MYO1E: variants seen among roughly 807,000 people sequenced by gnomAD.
MYO1E encodes the protein unconventional myosin-Ie.
MYO1E carries 68 observed loss-of-function variants against 151.1 expected under a neutral mutation model. That is an observed-to-expected ratio of 0.45 (90% CI 0.37 to 0.55). The LOEUF is 0.55. MYO1E is among the 20% of genes least tolerant of loss of function. The probability of loss-of-function intolerance (pLI) is 0.00; values close to 1 mark genes in which losing one functional copy is unlikely to be tolerated. For synonymous variants in MYO1E, 601 were observed against 501.7 expected, an observed-to-expected ratio of 1.20 and a Z score of -2.64; for missense variants, 1,363 against 1,389.3, an observed-to-expected ratio of 0.98 and a Z score of 0.30.
At chr15:59,309,410 T>C (rs1333059526) in intron 1 of MYO1E, among the ~76,000 whole-genome samples, 3 of 152,164 alleles carry the variant, frequency 2.0e-5, no homozygotes, top group Admixed American at 1.3e-4. Flanking sequence ...TGTCAAAGGA[T>C]TTTCCATTGT....
chr15:59,291,067 A>C (rs1441176953), intron 1 of MYO1E, among the ~76,000 whole-genome samples: 1 of 152,230 alleles, frequency 6.6e-6, no homozygotes, highest in Non-Finnish European at 1.5e-5. Flanking sequence ...CACCACCTCA[A>C]ACAGAGCGTT....
intron 16 of MYO1E, among the ~76,000 whole-genome samples, chr15:59,197,668 T>C (rs796921953): frequency 4.6e-5 from 7 of 152,374 alleles, no homozygotes; most frequent in African/African-American, 1.7e-4. Flanking sequence ...ACCAAGCCTG[T>C]TCTTTGGCAA....
intron 4 of MYO1E, among the ~76,000 whole-genome samples, chr15:59,243,826 T>G (rs1029479256): frequency 6.6e-6 from 1 of 151,870 alleles, no homozygotes; most frequent in Non-Finnish European, 1.5e-5. Context: ...AAAGTAATTC[T>G]GCGAGAATGA....
chr15:59,172,847 G>A (rs1014525256), intron 21 of MYO1E, among the ~76,000 whole-genome samples: 7 of 152,228 alleles, frequency 4.6e-5, no homozygotes, highest in Admixed American at 2.0e-4. Flanking sequence ...GTACCGCTGC[G>A]AGAGCTAAGC....
chr15:59,144,734 CAGTT>C (rs2079430594), intron 26 of MYO1E, among the ~76,000 whole-genome samples: 1 of 152,234 alleles, frequency 6.6e-6, no homozygotes, highest in Non-Finnish European at 1.5e-5. Flanking sequence ...CCTTGGAACA[CAGTT>C]GGTGGGAACA....
chr15:59,263,021 G>A (rs2080233059), intron 2 of MYO1E, among the ~76,000 whole-genome samples: 1 of 142,966 alleles, frequency 7.0e-6, no homozygotes, highest in African/African-American at 2.6e-5. Flanking sequence ...TTGACTTCAT[G>A]GAGAAAAAAA....
In MYO1E at chr15:59,154,144, C is replaced by CCA. The variant is rs138291652; in HGVS notation, c.2879-355_2879-354dup. 5.0e-3 allele frequency among the ~76,000 whole-genome samples: 769 copies of CCA among 152,280 alleles called. 4 individuals are homozygous for CCA. The highest frequency in any genetic ancestry group is 0.018 in the African/African-American group (732 of 41,560). ...CCCCAGATTTCCTGGGGTTCAAAGC[C>CCA]CACAGTAAGGTAAGCTTACAGCCGG... On this transcript the variant is annotated intron_variant, in intron 25 of 27. Transcript: ENST00000288235.
intron 22 of MYO1E, among the ~76,000 whole-genome samples, chr15:59,170,192 C>G (rs907533364): frequency 6.0e-5 from 9 of 149,768 alleles, no homozygotes; most frequent in African/African-American, 2.2e-4. Context: ...AACAAAACAA[C>G]CACACAAATG....
intron 6 of MYO1E, among the ~76,000 whole-genome samples, chr15:59,230,204 G>A (rs1188597310): frequency 2.2e-5 from 3 of 134,324 alleles, no homozygotes; most frequent in African/African-American, 8.3e-5. Context: ...AATAGTGAGA[G>A]AGAGAGAGAC....
intron 1 of MYO1E, among the ~76,000 whole-genome samples, chr15:59,313,379 A>G (rs2080564870): frequency 6.6e-6 from 1 of 152,206 alleles, no homozygotes; most frequent in African/African-American, 2.4e-5. Context: ...AGGAAGCAAC[A>G]CAGGTCTGAT....
chr15:59,225,778 C>T (rs1224657606), intron 7 of MYO1E, among the ~76,000 whole-genome samples: 3 of 151,930 alleles, frequency 2.0e-5, no homozygotes, highest in African/African-American at 4.8e-5. Flanking sequence ...TCCTGAGTAG[C>T]TGGGACTACA....
At position 59,137,356 on chromosome 15, in the gene MYO1E, C is replaced by T. The variant is rs1159391880; in HGVS notation, c.*24G>A. 1 of 1,605,112 alleles carries T rather than the reference C, an allele frequency of 6.2e-7. No homozygotes were observed. Among genetic ancestry groups the T allele is most frequent in the Non-Finnish European group, 8.5e-7 (1 of 1,171,898 alleles). Reference sequence around the variant, plus strand: ...GGTCTGTGCCTGGAGCTCCTCTGCCCCATGTGTCAGAGTCACGGGCACCTC... The same window carrying T: ...GGTCTGTGCCTGGAGCTCCTCTGCCTCATGTGTCAGAGTCACGGGCACCTC... On this transcript the variant is annotated 3_prime_UTR_variant, in exon 28 of 28. Coordinates refer to ENST00000288235, the MANE Select transcript of MYO1E (RefSeq NM_004998.4).
chr15:59,236,814 A>C, intron 4 of MYO1E, 142 bp from the exon 5 acceptor site: 1 of 749,708 alleles, frequency 1.3e-6, no homozygotes, highest in Non-Finnish European at 2.3e-6. Context: ...TTTAAGTACA[A>C]TACCAGTAGA....
chr15:59,343,085 C>G (rs2080774756), intron 1 of MYO1E, among the ~76,000 whole-genome samples: 1 of 152,190 alleles, frequency 6.6e-6, no homozygotes, highest in Non-Finnish European at 1.5e-5. Flanking sequence ...TTTCTGTGTA[C>G]TTACTATTAC....
At chr15:59,138,125 C>A in intron 27 of MYO1E, 73 bp downstream of exon 27, 1 of 1,565,766 alleles carries the variant, frequency 6.4e-7, no homozygotes. Flanking sequence ...TTTTCATTTT[C>A]ACACTAGATC....
chr15:59,262,107 T>C (rs559586655), intron 2 of MYO1E, among the ~76,000 whole-genome samples: 2 of 151,944 alleles, frequency 1.3e-5, no homozygotes, highest in Non-Finnish European at 2.9e-5. Context: ...CTCAGGAGGC[T>C]GAGGCAGGAG....
At chr15:59,151,058 C>T (rs1347520044) in intron 26 of MYO1E, among the ~76,000 whole-genome samples, 15 of 145,946 alleles carry the variant, frequency 1.0e-4, no homozygotes, top group Admixed American at 4.7e-4. Flanking sequence ...CACGCGCGCG[C>T]GCGCACGTGC....
intron 18 of MYO1E, among the ~76,000 whole-genome samples, chr15:59,181,531 G>A (rs1288263272): frequency 2.0e-5 from 3 of 152,240 alleles, no homozygotes; most frequent in African/African-American, 4.8e-5. Flanking sequence ...ACTGCTTCAA[G>A]TAGCACAGCA....
chr15:59,339,186 G>C (rs1282403579), intron 1 of MYO1E, among the ~76,000 whole-genome samples: 2 of 152,142 alleles, frequency 1.3e-5, no homozygotes, highest in Non-Finnish European at 2.9e-5. Context: ...GTAATAATGG[G>C]TACTAAACTC....
Sources: gnomAD v4.1 joint callset for allele counts (sites outside exome capture counted in the v4.1 genomes callset) on GRCh38, gnomAD v4.1.1 for gene constraint, MANE v1.5 for transcripts, NCBI Gene and HGNC (gene_info 2026-07-23, HGNC 2026-07-21) for gene names.